Variants in SND1 observed in about 807,000 individuals in gnomAD.
SND1 encodes staphylococcal nuclease and tudor domain containing 1.
In SND1, 38 loss-of-function variants were observed where a neutral mutation model predicts 121.7. The ratio of observed to expected loss-of-function variants is 0.31; its 90% CI spans 0.24 to 0.41. SND1 has a LOEUF of 0.41. Ranked by LOEUF, SND1 falls within the 10% of genes least tolerant of loss-of-function variation. SND1 has a pLI of 1.00. For missense variants in SND1, 868 were observed against 1,184.6 expected, an observed-to-expected ratio of 0.73 and a Z score of 3.92; for synonymous variants, 401 against 447.4, an observed-to-expected ratio of 0.90 and a Z score of 1.31.
intron 16 of SND1, among the ~76,000 whole-genome samples, chr7:128,072,217 G>A (rs906376964): frequency 2.0e-5 from 3 of 152,206 alleles, no homozygotes; most frequent in Non-Finnish European, 2.9e-5. Flanking sequence ...CCTCTGCAGC[G>A]TATCTCTGAC....
At chr7:127,917,659 G>A (rs1416277782) in intron 14 of SND1, among the ~76,000 whole-genome samples, 2 of 152,196 alleles carry the variant, frequency 1.3e-5, no homozygotes, top group Non-Finnish European at 1.5e-5. Context: ...CTGAGCTCAA[G>A]TGATTCTCCC....
chr7:127,826,217 A>T (rs1361918539), intron 11 of SND1, among the ~76,000 whole-genome samples: 2 of 152,124 alleles, frequency 1.3e-5, no homozygotes, highest in Non-Finnish European at 2.9e-5. Flanking sequence ...TTGACAGTGG[A>T]TTCTGAACAT....
intron 11 of SND1, among the ~76,000 whole-genome samples, chr7:127,833,070 CTT>C (rs1351344779): frequency 1.3e-5 from 2 of 152,048 alleles, no homozygotes; most frequent in Non-Finnish European, 1.5e-5. Context: ...AGTGTTGACT[CTT>C]TTCAGAATGT....
At chr7:127,837,468 T>TA (rs1325941155) in intron 11 of SND1, among the ~76,000 whole-genome samples, 1 of 152,272 alleles carries the variant, frequency 6.6e-6, no homozygotes, top group Non-Finnish European at 1.5e-5. Context: ...AATGTGAACA[T>TA]ACACATGTGG....
intron 10 of SND1, among the ~76,000 whole-genome samples, chr7:127,797,180 G>C (rs977732036): frequency 6.6e-6 from 1 of 152,006 alleles, no homozygotes; most frequent in African/African-American, 2.4e-5. Context: ...GGTGTGAGCC[G>C]CTGTGCCCGG....
chr7:127,781,507 A>G (rs546661675), intron 10 of SND1, among the ~76,000 whole-genome samples: 76 of 152,322 alleles, frequency 5.0e-4, no homozygotes, highest in Non-Finnish European at 8.8e-4. Context: ...AGTTATGCCA[A>G]GTTGCTGGGG....
At chr7:127,801,204 T>C (rs771622420) in intron 10 of SND1, among the ~76,000 whole-genome samples, 33 of 152,374 alleles carry the variant, frequency 2.2e-4, no homozygotes, top group African/African-American at 7.2e-4. Flanking sequence ...GCCAAAGTAT[T>C]TAACCTTTTT....
intron 10 of SND1, among the ~76,000 whole-genome samples, chr7:127,739,402 C>G (rs1796835644): frequency 6.6e-6 from 1 of 152,064 alleles, no homozygotes; most frequent in Non-Finnish European, 1.5e-5. Context: ...ATTTTATTGT[C>G]TTTTTTAATA....
rs1041867340 is a variant in SND1 at position 127,712,772 on chromosome 7, C to T, written c.1038+5125C>T. Reference sequence around the variant, plus strand: ...TGGGCTTATGTATAGATACGTTTTACAGATCCCTTTTATCTAGAGGTGTTT... The same window carrying T: ...TGGGCTTATGTATAGATACGTTTTATAGATCCCTTTTATCTAGAGGTGTTT... On this transcript the variant is annotated intron_variant, in intron 9 of 23. Coordinates refer to ENST00000354725, the MANE Select transcript of SND1 (RefSeq NM_014390.4). Among the ~76,000 whole-genome samples the T allele has an allele frequency of 3.3e-5, 5 of 152,304 alleles. No individual in the cohort carries two copies. The South Asian group carries it at 1.0e-3, about 32-fold the overall frequency.
intron 14 of SND1, among the ~76,000 whole-genome samples, chr7:127,917,079 A>G (rs1234151707): frequency 2.6e-5 from 4 of 152,232 alleles, no homozygotes; most frequent in Admixed American, 6.5e-5. Flanking sequence ...CACCAAAGCT[A>G]TCTCAATTCT....
At chr7:127,700,589 T>C (rs1314900340) in intron 4 of SND1, among the ~76,000 whole-genome samples, 2 of 152,238 alleles carry the variant, frequency 1.3e-5, no homozygotes, top group Admixed American at 1.3e-4. Flanking sequence ...TTTTGGCTGC[T>C]CTAGTACATA....
intron 11 of SND1, among the ~76,000 whole-genome samples, chr7:127,817,635 G>GCATTGCT (rs1413726094): frequency 6.6e-6 from 1 of 151,452 alleles, no homozygotes; most frequent in Non-Finnish European, 1.5e-5. Flanking sequence ...CTGACTTCTG[G>GCATTGCT]CATTGCTGTC....
intron 14 of SND1, among the ~76,000 whole-genome samples, chr7:127,922,199 T>TTTTTTTTTTTTTTTTTTTTG (rs1554443300): frequency 5.3e-5 from 5 of 93,532 alleles, no homozygotes; most frequent in African/African-American, 1.3e-4. Context: ...TTTTTTTTTT[T>TTTTTTTTTTTTTTTTTTTTG]TTTTGTTTTG....
intron 12 of SND1, among the ~76,000 whole-genome samples, chr7:127,874,958 T>C (rs1799662933): frequency 6.6e-6 from 1 of 152,186 alleles, no homozygotes; most frequent in Non-Finnish European, 1.5e-5. Flanking sequence ...TACAGAATTA[T>C]AAAAGCACAG....
chr7:128,078,563 C>A (rs1212595845), intron 17 of SND1, among the ~76,000 whole-genome samples: 1 of 152,124 alleles, frequency 6.6e-6, no homozygotes, highest in East Asian at 1.9e-4. Flanking sequence ...TGAGGGCCAT[C>A]CCCAAGGCTT....
intron 16 of SND1, chr7:127,997,364 T>TAGG (rs1276433756): frequency 1.2e-5 from 3 of 255,322 alleles, no homozygotes; most frequent in Non-Finnish European, 2.3e-5. Context: ...GAGTCAGTCT[T>TAGG]CTATAGGGCA....
intron 10 of SND1, among the ~76,000 whole-genome samples, chr7:127,775,902 AC>A (rs1483284108): frequency 6.6e-6 from 1 of 152,124 alleles, no homozygotes; most frequent in East Asian, 1.9e-4. Context: ...TGCCATTCAA[AC>A]CTATGTTCAC....
intron 9 of SND1, among the ~76,000 whole-genome samples, chr7:127,711,175 C>T (rs1002389302): frequency 1.3e-5 from 2 of 152,086 alleles, no homozygotes; most frequent in African/African-American, 4.8e-5. Context: ...TCACCATTGT[C>T]CTGAGGGATT....
chr7:127,942,083 TCCACAGTTTGG>T (rs1801226306), intron 15 of SND1, among the ~76,000 whole-genome samples: 1 of 152,036 alleles, frequency 6.6e-6, no homozygotes. Flanking sequence ...AGTTTTTTCC[TCCACAGTTTGG>T]TGGGTGGGAA....
Sources: gnomAD v4.1 joint callset for allele counts (sites outside exome capture counted in the v4.1 genomes callset) on GRCh38, gnomAD v4.1.1 for gene constraint, MANE v1.5 for transcripts, NCBI Gene and HGNC (gene_info 2026-07-23, HGNC 2026-07-21) for gene names.